The following MTMR14 variants were observed in gnomAD, a reference collection of about 807,000 sequenced individuals.
MTMR14 encodes myotubularin related protein 14.
In MTMR14, 48 loss-of-function variants were observed where a neutral mutation model predicts 86.3. The observed-to-expected ratio is 0.56, with a 90% CI of 0.44 to 0.71. MTMR14 has a LOEUF of 0.71. MTMR14 is among the 30% of genes least tolerant of loss of function. MTMR14 has a pLI of 0.00. For synonymous variants in MTMR14, 366 were observed against 326.1 expected, an observed-to-expected ratio of 1.12 and a Z score of -1.32; for missense variants, 780 against 834.6, an observed-to-expected ratio of 0.93 and a Z score of 0.81.
chr3:9,680,651 G>C (rs159148), intron 9 of MTMR14, among the ~76,000 whole-genome samples: 120,459 of 152,130 alleles, frequency 0.79, 48,127 homozygotes, highest in East Asian at 0.95. Flanking sequence ...CGAGACCATC[G>C]TGGCTAACAC....
intron 17 of MTMR14, among the ~76,000 whole-genome samples, chr3:9,697,317 C>T (rs1255239620): frequency 6.6e-6 from 1 of 152,138 alleles, no homozygotes; most frequent in East Asian, 1.9e-4. Context: ...TATGGGTGAC[C>T]CGGCTGGCTG....
intron 17 of MTMR14, among the ~76,000 whole-genome samples, chr3:9,693,400 C>T (rs1454481694): frequency 6.6e-6 from 1 of 152,234 alleles, no homozygotes. Flanking sequence ...CTGTCCCCTA[C>T]ACATGCAGTT....
intron 17 of MTMR14, among the ~76,000 whole-genome samples, chr3:9,694,766 C>A (rs1257897367): frequency 6.6e-6 from 1 of 152,176 alleles, no homozygotes; most frequent in Non-Finnish European, 1.5e-5. Context: ...ATTCTTGTAC[C>A]CCCTTCCAGA....
At position 9,702,092 on chromosome 3, in the gene MTMR14, C is replaced by T; in HGVS notation, c.*119C>T. 1 of 1,296,740 alleles carries T rather than the reference C, an allele frequency of 7.7e-7. No individual in the cohort carries two copies. Among genetic ancestry groups the T allele is most frequent in the Admixed American group, 1.8e-5 (1 of 54,068 alleles). 80.3% of individuals were successfully genotyped at this position (1,296,740 alleles called of 1,614,324 possible). A position where few individuals can be genotyped will look rare whatever the true frequency, so the allele number is the denominator to read the frequency against. The stretch of plus-strand genomic sequence containing the variant: ...CAGGGGAAATTTCAGTCCCCCATCT[C>T]CATCATGAACATGGCAGCCCCAAAG... On this transcript the variant is annotated 3_prime_UTR_variant, in exon 19 of 19. Transcript: ENST00000296003.
intron 7 of MTMR14, among the ~76,000 whole-genome samples, chr3:9,675,264 C>T (rs1330927852): frequency 2.0e-5 from 3 of 152,132 alleles, no homozygotes; most frequent in Admixed American, 1.3e-4. Context: ...ATTGCACACC[C>T]AAATAAGGGG....
At chr3:9,674,340 T>G (rs892867338) in intron 7 of MTMR14, among the ~76,000 whole-genome samples, 2 of 152,202 alleles carry the variant, frequency 1.3e-5, no homozygotes, top group Admixed American at 1.3e-4. Context: ...TTCTAATAAT[T>G]GGTCATTAGG....
intron 9 of MTMR14, among the ~76,000 whole-genome samples, chr3:9,681,617 C>T (rs1016504034): frequency 6.6e-6 from 1 of 152,208 alleles, no homozygotes; most frequent in African/African-American, 2.4e-5. Flanking sequence ...GCATTTAGCT[C>T]AGCTCCCAGA....
rs1199826785 is a variant in MTMR14, at chr3:9,649,686, G to A, written c.103G>A (p.Glu35Lys). The change falls in exon 1 of 19, where the codon GAG (glutamate) becomes AAG (lysine). Residue 35 changes from glutamate to lysine, a missense_variant. Glu to Lys is a moderately conservative substitution (Grantham distance 56). Transcript: ENST00000296003. ...GCTGGGGCTTGGGGAGCTGCTGGAGGAGTTCTCCCGGACTCAGTACCGGGC... is the reference window on the plus strand; with the variant it reads ...GCTGGGGCTTGGGGAGCTGCTGGAGAAGTTCTCCCGGACTCAGTACCGGGC... ...QELGLGELLE[E>K]FSRTQYRAKD... 1.2e-6 allele frequency: 2 copies of A among 1,610,514 alleles called. No individual in the cohort carries two copies. Among genetic ancestry groups the A allele is most frequent in the East Asian group, 4.5e-5 (2 of 44,790 alleles).
intron 18 of MTMR14, chr3:9,699,756 G>C (rs530468050): frequency 6.6e-6 from 1 of 152,346 alleles, no homozygotes; most frequent in Non-Finnish European, 1.5e-5. Context: ...AGCCATGTCA[G>C]GGGGGTGGGG....
rs879078183 is a variant in MTMR14 at position 9,677,436 on chromosome 3, G to A, written c.822+49G>A. On this transcript the variant is annotated intron_variant, in intron 8 of 18. Transcript: ENST00000296003. The surrounding 1 kb of genome is among the most constrained non-coding windows in gnomAD (Gnocchi z 4.2). ...ATTGGATCTATGTCTCTTTGTAAAG[G>A]GAGGCCAAGGAGAACAACAAGCAGT... 1.3e-6 allele frequency: 2 copies of A among 1,517,928 alleles called. No individual in the cohort carries two copies. The highest frequency in any genetic ancestry group is 1.8e-6 in the Non-Finnish European group (2 of 1,092,448). The allele number at this position is 1,517,928 out of a possible 1,614,324, so 94.0% of individuals were successfully genotyped here.
At chr3:9,667,856 T>A (rs1362267121) in intron 3 of MTMR14, among the ~76,000 whole-genome samples, 1 of 152,170 alleles carries the variant, frequency 6.6e-6, no homozygotes. Context: ...GGATCCACTT[T>A]CCATTTGCAC....
In MTMR14 at chr3:9,649,559, C is replaced by G; in HGVS notation, c.-25C>G. 53 of 1,535,516 alleles carry G rather than the reference C, an allele frequency of 3.5e-5. No homozygotes were observed. Among genetic ancestry groups the G allele is most frequent in the Non-Finnish European group, 4.6e-5 (53 of 1,141,656 alleles). On this transcript the variant is annotated 5_prime_UTR_variant, in exon 1 of 19. Transcript: ENST00000296003. ...AGGTGCCATGGGCCCGCTTGAGGCA[C>G]ACTGAGGGGACGCGGGGCTGGGCCA...
chr3:9,685,981 G>A (rs983468169), intron 13 of MTMR14, among the ~76,000 whole-genome samples: 5 of 152,090 alleles, frequency 3.3e-5, no homozygotes, highest in Admixed American at 6.5e-5. Context: ...CAGGTGCCCA[G>A]CATGGAAGCT....
In MTMR14 at chr3:9,649,566, G is replaced by A; in HGVS notation, c.-18G>A. On this transcript the variant is annotated 5_prime_UTR_variant, in exon 1 of 19. Coordinates refer to ENST00000296003, the MANE Select transcript of MTMR14 (RefSeq NM_001077525.3). ...ATGGGCCCGCTTGAGGCACACTGAG[G>A]GGACGCGGGGCTGGGCCATGGCCGG... is the stretch of plus-strand genomic sequence containing the variant. The A allele has an allele frequency of 6.5e-7, 1 of 1,537,470 alleles. No homozygotes were observed. Among genetic ancestry groups the A allele is most frequent in the Non-Finnish European group, 8.8e-7 (1 of 1,142,294 alleles).
chr3:9,668,633 G>C (rs550570809), intron 3 of MTMR14, 86 bp from the exon 4 acceptor site: 1 of 1,412,220 alleles, frequency 7.1e-7, no homozygotes, highest in Admixed American at 1.7e-5. Context: ...TGCTGGCCTG[G>C]AAGAGTCAGA....
intron 9 of MTMR14, among the ~76,000 whole-genome samples, chr3:9,680,832 G>A (rs1462315930): frequency 9.9e-5 from 15 of 151,130 alleles, no homozygotes; most frequent in South Asian, 4.2e-4. Context: ...GCGAGACTCC[G>A]TCTCAAAAAA....
chr3:9,685,925 C>CT (rs1559603409), intron 13 of MTMR14, among the ~76,000 whole-genome samples: 2 of 152,158 alleles, frequency 1.3e-5, no homozygotes, highest in Admixed American at 6.5e-5. Flanking sequence ...CTTGGGTGGT[C>CT]TGCTTCACCT....
intron 5 of MTMR14, among the ~76,000 whole-genome samples, chr3:9,669,957 G>A (rs1288340682): frequency 6.6e-6 from 1 of 152,198 alleles, no homozygotes; most frequent in African/African-American, 2.4e-5. Context: ...GACCAGATGT[G>A]TCACAGCTGC....
chr3:9,678,688 G>A (rs1306271290), intron 9 of MTMR14, among the ~76,000 whole-genome samples: 1 of 152,168 alleles, frequency 6.6e-6, no homozygotes, highest in African/African-American at 2.4e-5. Flanking sequence ...TGCCCTTCAG[G>A]CTTTGGCTCG....
Sources: gnomAD v4.1 joint callset for allele counts (sites outside exome capture counted in the v4.1 genomes callset) on GRCh38, gnomAD v4.1.1 for gene constraint, Gnocchi (gnomAD v3.1) non-coding constraint, MANE v1.5 for transcripts, NCBI Gene and HGNC (gene_info 2026-07-23, HGNC 2026-07-21) for gene names.